The following WDR27 variants were observed in gnomAD, a reference collection of about 807,000 sequenced individuals.
WDR27 encodes the protein WD repeat domain 27.
A neutral mutation model predicts 114.4 loss-of-function variants in WDR27; 100 were observed. The observed-to-expected ratio is 0.87, with a 90% CI of 0.74 to 1.03. WDR27 has a LOEUF of 1.03. Among genes scored for constraint, WDR27 ranks in the 50% least tolerant of loss-of-function variants. WDR27 has a pLI of 0.00. For synonymous variants in WDR27, 449 were observed against 423.1 expected (o/e 1.06, Z -0.75); for missense variants, 1,129 against 1,092.9 (o/e 1.03, Z -0.47).
intron 2 of WDR27, among the ~76,000 whole-genome samples, chr6:169,673,366 C>T (rs1172484969): frequency 6.6e-6 from 1 of 151,792 alleles, no homozygotes; most frequent in Non-Finnish European, 1.5e-5. Flanking sequence ...AGTACCAATC[C>T]TACTGATGAG....
chr6:169,529,553 A>T (rs188103574), intron 25 of WDR27, among the ~76,000 whole-genome samples: 2 of 152,350 alleles, frequency 1.3e-5, no homozygotes, highest in East Asian at 3.9e-4. Context: ...CTCTACTAAG[A>T]ATAGAGGGTT....
At chr6:169,495,198 T>C (rs1200385032) in intron 25 of WDR27, among the ~76,000 whole-genome samples, 4 of 152,098 alleles carry the variant, frequency 2.6e-5, no homozygotes, top group Non-Finnish European at 4.4e-5. Context: ...GATGGATACA[T>C]AGATAAATGG....
chr6:169,668,993 T>C (rs994222408), intron 4 of WDR27, among the ~76,000 whole-genome samples: 1 of 152,230 alleles, frequency 6.6e-6, no homozygotes, highest in African/African-American at 2.4e-5. Flanking sequence ...TGTGTAGGAA[T>C]AGGGAGAGTT....
At chr6:169,654,068 AAAAC>A (rs529436987) in intron 13 of WDR27, among the ~76,000 whole-genome samples, 26 of 152,362 alleles carry the variant, frequency 1.7e-4, no homozygotes, top group South Asian at 4.1e-4. Context: ...AACAAATACA[AAAAC>A]AAACAAAACA....
At chr6:169,695,648 C>T (rs899144072) in intron 1 of WDR27, among the ~76,000 whole-genome samples, 9 of 152,080 alleles carry the variant, frequency 5.9e-5, no homozygotes, top group South Asian at 2.1e-4. Flanking sequence ...CTAAATACCC[C>T]GGGGCACGGT....
intron 25 of WDR27, among the ~76,000 whole-genome samples, chr6:169,571,912 C>T (rs1439479130): frequency 6.6e-6 from 1 of 152,146 alleles, no homozygotes; most frequent in Admixed American, 6.5e-5. Flanking sequence ...TGTCTCTCGA[C>T]AGAGCAATTA....
rs1251587590 is a variant in WDR27, at chr6:169,684,056, CAT to C, written c.189+4759_189+4760del. On this transcript the variant is annotated intron_variant, in intron 2 of 25. Transcript: ENST00000448612. This position sits in a 1 kb window ranked among gnomAD's most constrained non-coding sequence, Gnocchi z 4.3. The stretch of plus-strand genomic sequence containing the variant: ...CTCCATCTTTACTATACCAAGCCCA[CAT>C]GAGTGGCTGAATGTCACAACCCCAG... Among the ~76,000 whole-genome samples the C allele has an allele frequency of 6.6e-6, 1 of 152,194 alleles. No homozygotes were observed. Among genetic ancestry groups the C allele is most frequent in the Admixed American group, 6.5e-5 (1 of 15,286 alleles).
the WDR27 span, among the ~76,000 whole-genome samples, chr6:169,437,894 CT>C: frequency 1.3e-5 from 2 of 151,670 alleles, no homozygotes; most frequent in East Asian, 3.9e-4. Flanking sequence ...CTTGGCTCTT[CT>C]TTTTTTTATA....
At chr6:169,552,976 GTGTGT>G (rs1798366018) in intron 25 of WDR27, among the ~76,000 whole-genome samples, 3 of 50,504 alleles carry the variant, frequency 5.9e-5, no homozygotes, top group East Asian at 1.0e-3. Context: ...CCTGCCCGGT[GTGTGT>G]GTGTGTGTGT....
intron 25 of WDR27, among the ~76,000 whole-genome samples, chr6:169,534,196 A>C (rs968931758): frequency 6.6e-6 from 1 of 152,150 alleles, no homozygotes; most frequent in Non-Finnish European, 1.5e-5. Context: ...ACATGTGCTA[A>C]TTTGCATTTG....
In WDR27 at chr6:169,636,498, C is replaced by T. The variant is rs769946259; in HGVS notation, c.1876G>A (p.Asp626Asn). ...GAELALLLGK[D>N]MFSKPIQSAQ... The stretch of plus-strand genomic sequence containing the variant: ...GACTGTATAGGTTTAGAAAACATGT[C>T]TTTGCCCTGTAATGCAAATCAGTAA... The change falls in exon 19 of 26, where the codon GAC becomes AAC. Residue 626 changes from aspartate (D) to asparagine (N), a missense_variant. By Grantham distance (23) the Asp-to-Asn change is conservative. Transcript: ENST00000448612. 6.2e-7 allele frequency: 1 copy of T among 1,605,346 alleles called. No homozygotes were observed. The highest frequency in any genetic ancestry group is 1.7e-5 in the Admixed American group (1 of 58,358).
chr6:169,638,645 A>G lies in WDR27; in HGVS notation c.1763T>C (p.Val588Ala). Residue 588 changes from valine (V) to alanine (A), a missense_variant, in exon 18 of 26, where the codon GTG becomes GCG. By Grantham distance (64) the Val-to-Ala change is moderately conservative (BLOSUM62 0). Coordinates refer to ENST00000448612, the MANE Select transcript of WDR27 (RefSeq NM_182552.5). ...GTCCTGGCTCCAGCACACGGCATTC[A>G]CTGCCCCGTCGTGACCTAACAGGAA... ...PAVFSGHDGA[V>A]NAVCWSQDRR... 2 of 1,604,798 alleles carry G rather than the reference A, an allele frequency of 1.2e-6. No individual in the cohort carries two copies. The highest frequency in any genetic ancestry group is 1.7e-6 in the Non-Finnish European group (2 of 1,175,650).
chr6:169,577,513 G>T (rs1802595673), intron 24 of WDR27, among the ~76,000 whole-genome samples: 1 of 151,780 alleles, frequency 6.6e-6, no homozygotes, highest in South Asian at 2.1e-4. Flanking sequence ...GGGTCCACAC[G>T]TGGAGGACGG....
intron 25 of WDR27, among the ~76,000 whole-genome samples, chr6:169,492,756 A>C (rs1173192553): frequency 6.6e-6 from 1 of 152,112 alleles, no homozygotes; most frequent in Admixed American, 6.5e-5. Flanking sequence ...AAATTGATAA[A>C]AATGTGCTAG....
chr6:169,434,128 T>C, the WDR27 span, among the ~76,000 whole-genome samples: 1 of 152,234 alleles, frequency 6.6e-6, no homozygotes, highest in Non-Finnish European at 1.5e-5. Context: ...TTTGTTGCCA[T>C]TGCTTTTGGT....
chr6:169,594,350 T>G (rs1395768792), intron 23 of WDR27, among the ~76,000 whole-genome samples: 1 of 152,252 alleles, frequency 6.6e-6, no homozygotes, highest in Non-Finnish European at 1.5e-5. Flanking sequence ...ATGGTCATTG[T>G]TCATAGATGT....
At chr6:169,648,302 C>A (rs1821317706) in intron 15 of WDR27, among the ~76,000 whole-genome samples, 1 of 152,154 alleles carries the variant, frequency 6.6e-6, no homozygotes, top group Non-Finnish European at 1.5e-5. Flanking sequence ...TGCACACGCC[C>A]GAGCCCTGGG....
chr6:169,488,498 A>G (rs541462179), intron 25 of WDR27, among the ~76,000 whole-genome samples: 38 of 152,370 alleles, frequency 2.5e-4, no homozygotes, highest in African/African-American at 9.1e-4. Flanking sequence ...GGAGAAAATG[A>G]GCAGTGTCAG....
At chr6:169,650,499 C>T (rs59593332) in intron 14 of WDR27, among the ~76,000 whole-genome samples, 11,986 of 149,558 alleles carry the variant, frequency 0.08, 1,573 homozygotes, top group East Asian at 0.6. Context: ...CTCCATCCCT[C>T]CATCCCCCTC....
Sources: gnomAD v4.1 joint callset for allele counts (sites outside exome capture counted in the v4.1 genomes callset) on GRCh38, gnomAD v4.1.1 for gene constraint, Gnocchi (gnomAD v3.1) non-coding constraint, MANE v1.5 for transcripts, NCBI Gene and HGNC (gene_info 2026-07-23, HGNC 2026-07-21) for gene names.